Variants in MSH4 observed in about 807,000 individuals in gnomAD.
MSH4 encodes mutS protein homolog 4.
Under a neutral mutation model 113.7 loss-of-function variants are expected in MSH4, and 106 were observed. That is an observed-to-expected ratio of 0.93 (90% CI 0.80 to 1.10). The LOEUF is 1.10. Among genes scored for constraint, MSH4 ranks in the 50% least tolerant of loss-of-function variants. The pLI is 0.00. For synonymous variants in MSH4, 368 were observed against 380.2 expected (o/e 0.97, Z 0.37); for missense variants, 1,061 against 1,093.7 (o/e 0.97, Z 0.42).
chr1:75,815,791 G>T (rs1186428728), intron 5 of MSH4, among the ~76,000 whole-genome samples: 2 of 151,984 alleles, frequency 1.3e-5, no homozygotes, highest in African/African-American at 4.8e-5. Context: ...AGCACTTCGG[G>T]AGGCCAAGGA....
In MSH4 at chr1:75,815,113, T is replaced by C; in HGVS notation, c.792T>C (p.Thr264=). The part of the protein sequence containing the change: ...IEQLCIAEFS[T]VLMEVQSKYY... ...AGTTATGCATAGCAGAATTCAGCAC[T>C]GTCCTAATGGAGGTTCAGTCCAAGT... The change falls in exon 5 of 20, where the codon ACT becomes ACC. Residue 264 remains threonine (T), a synonymous_variant. Transcript: ENST00000263187. 6.3e-7 allele frequency: 1 copy of C among 1,593,202 alleles called. No homozygotes were observed. The highest frequency in any genetic ancestry group is 8.6e-7 in the Non-Finnish European group (1 of 1,169,462).
intron 19 of MSH4, among the ~76,000 whole-genome samples, chr1:75,900,387 C>T (rs1017434617): frequency 6.6e-6 from 1 of 152,024 alleles, no homozygotes; most frequent in East Asian, 1.9e-4. Context: ...CTGCAACCTC[C>T]GCCTCCTGGG....
At position 75,880,156 on chromosome 1, in the gene MSH4, A is replaced by G. The variant is rs752414895; in HGVS notation, c.1781+3A>G. 1 of 1,438,180 alleles carries G rather than the reference A, an allele frequency of 7.0e-7. No homozygotes were observed. Among genetic ancestry groups the G allele is most frequent in the Non-Finnish European group, 9.6e-7 (1 of 1,038,740 alleles). 89.1% of individuals were successfully genotyped at this position (1,438,180 alleles called of 1,614,324 possible). On this transcript the variant is annotated splice_donor_region_variant and intron_variant, in intron 13 of 19. Transcript: ENST00000263187. ...GAAATCTATCACATGACTTATATGT[A>G]AGAGCATTTGAAGTATTTGAATATT...
chr1:75,806,878 T>C, intron 2 of MSH4, 103 bp from the exon 3 acceptor site: 1 of 1,002,170 alleles, frequency 1.0e-6, no homozygotes, highest in East Asian at 3.0e-5. Context: ...TATCTACAGA[T>C]TGCATTATTT....
In MSH4 at chr1:75,880,057, A is replaced by G; in HGVS notation, c.1685A>G (p.Lys562Arg). The G allele has an allele frequency of 6.4e-7, 1 of 1,554,658 alleles. No individual in the cohort carries two copies. Among genetic ancestry groups the G allele is most frequent in the Non-Finnish European group, 8.8e-7 (1 of 1,133,068 alleles). The change falls in exon 13 of 20, where the codon AAA becomes AGA. Residue 562 changes from lysine to arginine, a missense_variant. Transcript: ENST00000263187. Reference sequence around the variant, plus strand: ...TTTTTAATCTCCAAGCAGATTTCTAAAGTGAAAAATTCTTACAGCTTTACA... The same window carrying G: ...TTTTTAATCTCCAAGCAGATTTCTAGAGTGAAAAATTCTTACAGCTTTACA... ...QLPSEFIKISKVKNSYSFTSA... is the reference protein window; with the variant it reads ...QLPSEFIKISRVKNSYSFTSA...
chr1:75,821,849 C>G (rs967128236), intron 6 of MSH4, among the ~76,000 whole-genome samples: 11 of 152,162 alleles, frequency 7.2e-5, no homozygotes, highest in Admixed American at 4.6e-4. Context: ...TTCAAGTATT[C>G]CTCCTGCCTT....
At chr1:75,907,460 T>G (rs571797398) in intron 19 of MSH4, among the ~76,000 whole-genome samples, 37 of 152,074 alleles carry the variant, frequency 2.4e-4, no homozygotes, top group African/African-American at 8.2e-4. Flanking sequence ...TTTGAGAGTT[T>G]GATTATTATA....
intron 2 of MSH4, 150 bp downstream of exon 2, chr1:75,804,063 A>C: frequency 2.1e-6 from 1 of 485,096 alleles, no homozygotes; most frequent in Non-Finnish European, 3.3e-6. Flanking sequence ...CCATAATTTG[A>C]GTCTAGATTA....
intron 7 of MSH4, among the ~76,000 whole-genome samples, chr1:75,829,734 A>AGAAG (rs1650640449): frequency 6.6e-6 from 1 of 152,184 alleles, no homozygotes; most frequent in Non-Finnish European, 1.5e-5. Context: ...CCTGACTGAT[A>AGAAG]GAAGGAAAAC....
At position 75,806,922 on chromosome 1, in the gene MSH4, T is replaced by A. The variant is rs548716463; in HGVS notation, c.428-59T>A. On this transcript the variant is annotated intron_variant, in intron 2 of 19. Transcript: ENST00000263187. ...TGATTAAGAATTTCCTAGTTTTTTT[T>A]AAAAAAAGAAATGATTATTATCAAT... 2.7e-4 allele frequency: 387 copies of A among 1,431,956 alleles called. 1 individual carries two copies. Among genetic ancestry groups the A allele is most frequent in the South Asian group, 1.1e-3 (74 of 69,370 alleles). 88.7% of individuals were successfully genotyped at this position (1,431,956 alleles called of 1,614,324 possible). A position where few individuals can be genotyped will look rare whatever the true frequency, so the allele number is the denominator to read the frequency against.
intron 3 of MSH4, among the ~76,000 whole-genome samples, chr1:75,809,629 C>CTTTTTTTT (rs35082709): frequency 1.0e-5 from 1 of 96,046 alleles, no homozygotes; most frequent in Non-Finnish European, 2.1e-5. Context: ...CATAGTTACC[C>CTTTTTTTT]TTTTTTTTTT....
chr1:75,849,665 C>G (rs974506666), intron 8 of MSH4, among the ~76,000 whole-genome samples: 1 of 152,132 alleles, frequency 6.6e-6, no homozygotes, highest in Non-Finnish European at 1.5e-5. Flanking sequence ...TAACCTAAAA[C>G]AACTGATGTT....
At chr1:75,831,414 C>T (rs1436306968) in intron 7 of MSH4, among the ~76,000 whole-genome samples, 7 of 152,134 alleles carry the variant, frequency 4.6e-5, no homozygotes, top group African/African-American at 9.7e-5. Context: ...AGGAATTGAA[C>T]TCAGCTCTGC....
rs528647980 is a variant in MSH4 at position 75,863,077 on chromosome 1, A to G, written c.1231-4437A>G. Among the ~76,000 whole-genome samples, 9 of 152,258 alleles carry G rather than the reference A, an allele frequency of 5.9e-5. No homozygotes were observed. In the South Asian group the frequency reaches 1.0e-3, roughly 18 times the overall value. On this transcript the variant is annotated intron_variant, in intron 8 of 19. Transcript: ENST00000263187. ...TATTAAAGATATTTTTCTAATTTTT[A>G]TCATGAGTTTTTTGCATCATTTTGA...
intron 7 of MSH4, among the ~76,000 whole-genome samples, chr1:75,840,054 C>T (rs895249668): frequency 6.6e-6 from 1 of 151,790 alleles, no homozygotes; most frequent in Admixed American, 6.6e-5. Flanking sequence ...AACAGGAACA[C>T]TTTTACACTG....
intron 7 of MSH4, among the ~76,000 whole-genome samples, chr1:75,841,157 T>TTCCCTCCC (rs5745393): frequency 7.6e-6 from 1 of 132,430 alleles, no homozygotes; most frequent in Non-Finnish European, 1.6e-5. Context: ...AGTCATTTCC[T>TTCCCTCCC]TCCCTCCCTC....
At chr1:75,889,048 A>T (rs960198931) in intron 15 of MSH4, among the ~76,000 whole-genome samples, 24 of 152,154 alleles carry the variant, frequency 1.6e-4, no homozygotes, top group African/African-American at 5.5e-4. Flanking sequence ...TTTCCCCGCA[A>T]CACGCCCGGC....
In MSH4 at chr1:75,912,674, ATTTTT is replaced by A. The variant is rs3037163; in HGVS notation, c.2620-14_2620-10del. ...ATGGTATTTGTGTATATATATATAT[ATTTTT>A]TTTTTTTCAATGACAGCAAAACCAA... On this transcript the variant is annotated splice_polypyrimidine_tract_variant and intron_variant, in intron 19 of 19. Coordinates refer to ENST00000263187, the MANE Select transcript of MSH4 (RefSeq NM_002440.4). 27 of 684,028 alleles carry A rather than the reference ATTTTT, an allele frequency of 3.9e-5. No homozygotes were observed. The Admixed American group carries it at 9.9e-4, about 25-fold the overall frequency. The allele number at this position is 684,028 out of a possible 1,614,324, so 42.4% of individuals were successfully genotyped here.
intron 19 of MSH4, among the ~76,000 whole-genome samples, chr1:75,903,448 A>G (rs1051589828): frequency 6.6e-6 from 1 of 151,982 alleles, no homozygotes; most frequent in African/African-American, 2.4e-5. Context: ...GTATATTTTA[A>G]AGTCAGATAG....
Sources: allele counts gnomAD v4.1 joint callset (sites outside exome capture counted in the v4.1 genomes callset), GRCh38; gene constraint gnomAD v4.1.1; transcripts MANE v1.5; gene names NCBI Gene and HGNC (gene_info 2026-07-23, HGNC 2026-07-21).